The following MAN1A1 variants were observed in gnomAD, a reference collection of about 807,000 sequenced individuals.
MAN1A1 encodes the protein mannosyl-oligosaccharide 1,2-alpha-mannosidase IA.
A neutral mutation model predicts 70.8 loss-of-function variants in MAN1A1; 29 were observed. The observed-to-expected ratio is 0.41, with a 90% CI of 0.31 to 0.56. The LOEUF (loss-of-function observed/expected upper bound fraction) is 0.56, where lower values mean the gene tolerates loss of function less well. Ranked by LOEUF, MAN1A1 falls within the 20% of genes least tolerant of loss-of-function variation. The probability of loss-of-function intolerance (pLI) is 0.29; values close to 1 mark genes in which losing one functional copy is unlikely to be tolerated. For synonymous variants in MAN1A1, 349 were observed against 330.1 expected (o/e 1.06, Z -0.62); for missense variants, 747 against 841.3 (o/e 0.89, Z 1.39).
At chr6:119,325,464 C>T (rs1773121357) in intron 2 of MAN1A1, among the ~76,000 whole-genome samples, 1 of 152,188 alleles carries the variant, frequency 6.6e-6, no homozygotes, top group African/African-American at 2.4e-5. Context: ...TTGAGACCAG[C>T]CTGGCTAACA....
intron 9 of MAN1A1, among the ~76,000 whole-genome samples, chr6:119,193,118 G>A (rs1259837565): frequency 2.0e-5 from 3 of 151,018 alleles, no homozygotes; most frequent in African/African-American, 7.4e-5. Flanking sequence ...TCTCTCTGAG[G>A]TACAGCAACT....
intron 5 of MAN1A1, among the ~76,000 whole-genome samples, chr6:119,265,728 G>A (rs899953719): frequency 3.9e-5 from 6 of 151,986 alleles, no homozygotes; most frequent in Non-Finnish European, 8.8e-5. Flanking sequence ...GAACAAGGCA[G>A]GGATGTCCCC....
chr6:119,213,560 T>C (rs1472177624), intron 6 of MAN1A1, among the ~76,000 whole-genome samples: 1 of 152,224 alleles, frequency 6.6e-6, no homozygotes, highest in African/African-American at 2.4e-5. Flanking sequence ...GAAACACCTT[T>C]ATATAAAATA....
rs954648469 is a variant in MAN1A1 at position 119,349,099 on chromosome 6, G to A, written c.-34C>T. The A allele has an allele frequency of 2.4e-6, 3 of 1,264,942 alleles. No homozygotes were observed. The highest frequency in any genetic ancestry group is 3.0e-6 in the Non-Finnish European group (3 of 1,005,734). The allele number at this position is 1,264,942 out of a possible 1,614,324, so 78.4% of individuals were successfully genotyped here. On this transcript the variant is annotated 5_prime_UTR_variant, in exon 2 of 13. Transcript: ENST00000368468. ...CTGTCCAGTGGTCCGGCGCCGCGCC[G>A]CTCAGCAGCCAAACTTCGCCGCCGC...
chr6:119,239,754 G>T lies in MAN1A1; in HGVS notation c.992+8506C>A, dbSNP rs77742710. ...GAGATTAATCACAGGAAAATTGATTGCTGGGTCATTAAAAACCTGGGGAAT... is the reference window on the plus strand; with the variant it reads ...GAGATTAATCACAGGAAAATTGATTTCTGGGTCATTAAAAACCTGGGGAAT... On this transcript the variant is annotated intron_variant, in intron 6 of 12. Coordinates refer to ENST00000368468, the MANE Select transcript of MAN1A1 (RefSeq NM_005907.4). Among the ~76,000 whole-genome samples, 901 of 152,298 alleles carry T rather than the reference G, an allele frequency of 5.9e-3. 30 individuals carry two copies. The East Asian group carries it at 0.091, about 15-fold the overall frequency.
intron 5 of MAN1A1, among the ~76,000 whole-genome samples, chr6:119,264,083 G>C (rs944131361): frequency 6.6e-6 from 1 of 152,208 alleles, no homozygotes; most frequent in African/African-American, 2.4e-5. Context: ...ATTGTAGAGA[G>C]AATGGTTTCA....
At chr6:119,245,217 C>G (rs1487454486) in intron 6 of MAN1A1, among the ~76,000 whole-genome samples, 1 of 152,100 alleles carries the variant, frequency 6.6e-6, no homozygotes, top group Non-Finnish European at 1.5e-5. Flanking sequence ...TCTTTAAGCC[C>G]TCCTTTTTTC....
At chr6:119,342,345 A>G (rs756295375) in intron 2 of MAN1A1, among the ~76,000 whole-genome samples, 2 of 152,200 alleles carry the variant, frequency 1.3e-5, no homozygotes, top group African/African-American at 2.4e-5. Context: ...GATCAATGCA[A>G]TCTTGGCTTG....
At chr6:119,292,018 T>C (rs1772045357) in intron 4 of MAN1A1, among the ~76,000 whole-genome samples, 1 of 152,028 alleles carries the variant, frequency 6.6e-6, no homozygotes, top group African/African-American at 2.4e-5. Flanking sequence ...CAACTAATAA[T>C]TGGTAGAAGC....
At chr6:119,342,233 C>G (rs1224148910) in intron 2 of MAN1A1, among the ~76,000 whole-genome samples, 1 of 152,140 alleles carries the variant, frequency 6.6e-6, no homozygotes, top group Non-Finnish European at 1.5e-5. Context: ...TTTTGATGAA[C>G]TGGAAATGTA....
chr6:119,188,522 A>T lies in MAN1A1; in HGVS notation c.1602T>A (p.Ala534=). 6.2e-7 allele frequency: 1 copy of T among 1,614,030 alleles called. No homozygotes were observed. Among genetic ancestry groups the T allele is most frequent in the Non-Finnish European group, 8.5e-7 (1 of 1,179,920 alleles). Residue 534 remains alanine, a synonymous_variant, in exon 11 of 13, where the codon GCT becomes GCA. Transcript: ENST00000368468. ...TGTAGTATTTTTCATTTTGTCTTGTAGCGATGGCTTCAACACCACCATCAA... is the reference window on the plus strand; with the variant it reads ...TGTAGTATTTTTCATTTTGTCTTGTTGCGATGGCTTCAACACCACCATCAA... The part of the protein sequence containing the change: ...FRFDGGVEAI[A]TRQNEKYYIL...
At chr6:119,337,657 T>A (rs1237813278) in intron 2 of MAN1A1, among the ~76,000 whole-genome samples, 1 of 152,224 alleles carries the variant, frequency 6.6e-6, no homozygotes, top group African/African-American at 2.4e-5. Flanking sequence ...TTATTACTGA[T>A]GGAATACTTA....
chr6:119,249,447 T>C (rs1775259554), intron 5 of MAN1A1, among the ~76,000 whole-genome samples: 1 of 152,166 alleles, frequency 6.6e-6, no homozygotes, highest in Non-Finnish European at 1.5e-5. Flanking sequence ...CTGCTATAGT[T>C]GTGGCACCAA....
chr6:119,245,696 T>C (rs1775151162), intron 6 of MAN1A1, among the ~76,000 whole-genome samples: 1 of 152,122 alleles, frequency 6.6e-6, no homozygotes, highest in Non-Finnish European at 1.5e-5. Flanking sequence ...ATACAATATA[T>C]AATTAAAAAT....
At chr6:119,346,062 C>T (rs187255198) in intron 2 of MAN1A1, among the ~76,000 whole-genome samples, 133 of 152,214 alleles carry the variant, frequency 8.7e-4, no homozygotes, top group African/African-American at 3.1e-3. Flanking sequence ...GCTGAGATCA[C>T]CCCACTGCAC....
At chr6:119,184,065 G>A (rs778135092) in intron 11 of MAN1A1, among the ~76,000 whole-genome samples, 5 of 151,994 alleles carry the variant, frequency 3.3e-5, no homozygotes, top group African/African-American at 9.7e-5. Context: ...TTACGCAAAA[G>A]TCTAGATTTT....
intron 5 of MAN1A1, among the ~76,000 whole-genome samples, chr6:119,255,032 T>C (rs1775423009): frequency 6.6e-6 from 1 of 152,220 alleles, no homozygotes. Context: ...CATTTATCTT[T>C]TTACTTTACC....
chr6:119,286,897 A>T (rs913313070), intron 5 of MAN1A1, among the ~76,000 whole-genome samples: 1 of 152,016 alleles, frequency 6.6e-6, no homozygotes, highest in Non-Finnish European at 1.5e-5. Flanking sequence ...CCATATTTAT[A>T]TTCACCATAG....
In MAN1A1 at chr6:119,348,751, G is replaced by C. The variant is rs759204305; in HGVS notation, c.315C>G (p.Arg105=). 2.4e-5 allele frequency: 38 copies of C among 1,557,068 alleles called. 1 individual carries two copies. The highest frequency in any genetic ancestry group is 4.0e-4 in the Middle Eastern group (2 of 5,004). The change falls in exon 2 of 13, where the codon CGC becomes CGG. Residue 105 remains arginine (R), a synonymous_variant. Coordinates refer to ENST00000368468, the MANE Select transcript of MAN1A1 (RefSeq NM_005907.4). ...CCGGGTCCCCGGGTGCCCCCTCCTC[G>C]CGGCGCCGGGCTCGCCCCTCGGCCG... is the stretch of plus-strand genomic sequence containing the variant. ...EDAAEGRARR[R]EEGAPGDPEA... is the part of the protein sequence containing the mutation.
Sources: allele counts gnomAD v4.1 joint callset (sites outside exome capture counted in the v4.1 genomes callset), GRCh38; gene constraint gnomAD v4.1.1; transcripts MANE v1.5; gene names NCBI Gene and HGNC (gene_info 2026-07-23, HGNC 2026-07-21).